The following NR3C2 variants were observed in gnomAD, a reference collection of about 807,000 sequenced individuals.
The protein encoded by NR3C2 is nuclear receptor subfamily 3 group C member 2.
NR3C2 carries 15 observed loss-of-function variants against 86.4 expected under a neutral mutation model. The observed-to-expected ratio is 0.17, with a 90% CI of 0.12 to 0.27. The LOEUF is 0.27. Among genes scored for constraint, NR3C2 ranks in the 10% least tolerant of loss-of-function variants. NR3C2 has a pLI of 1.00. For missense variants in NR3C2, 960 were observed against 1,195.6 expected (o/e 0.80, Z 2.91); for synonymous variants, 458 against 450.5 (o/e 1.02, Z -0.21).
At chr4:148,363,578 A>G (rs2126322376) in intron 2 of NR3C2, among the ~76,000 whole-genome samples, 1 of 135,838 alleles carries the variant, frequency 7.4e-6, no homozygotes, top group South Asian at 2.3e-4. Context: ...ATCTCAGCTC[A>G]CTGCAAGCTC....
chr4:148,376,937 T>C (rs1746709183), intron 2 of NR3C2, among the ~76,000 whole-genome samples: 2 of 152,316 alleles, frequency 1.3e-5, no homozygotes, highest in East Asian at 3.9e-4. Flanking sequence ...TTTGAAATTA[T>C]GCCCAAATAA....
intron 8 of NR3C2, among the ~76,000 whole-genome samples, chr4:148,083,765 A>C (rs1730687027): frequency 6.6e-6 from 1 of 152,140 alleles, no homozygotes. Context: ...AATGCAAGGA[A>C]GCTAAGAACC....
At chr4:148,258,065 T>C (rs1431163063) in intron 3 of NR3C2, among the ~76,000 whole-genome samples, 3 of 152,202 alleles carry the variant, frequency 2.0e-5, no homozygotes, top group Non-Finnish European at 2.9e-5. Flanking sequence ...TAGAAACCTT[T>C]TGCTTCAGAA....
At chr4:148,364,598 AATTC>A (rs1746014382) in intron 2 of NR3C2, among the ~76,000 whole-genome samples, 1 of 152,252 alleles carries the variant, frequency 6.6e-6, no homozygotes, top group Non-Finnish European at 1.5e-5. Flanking sequence ...GGCAAAAAAC[AATTC>A]CATTTAATAA....
At chr4:148,120,361 G>T (rs1732460688) in intron 6 of NR3C2, 73 bp from the exon 7 acceptor site, 1 of 1,582,018 alleles carries the variant, frequency 6.3e-7, no homozygotes, top group Non-Finnish European at 8.7e-7. Context: ...GCCTGAGGCA[G>T]CTTAATAAGA....
intron 2 of NR3C2, among the ~76,000 whole-genome samples, chr4:148,423,995 G>A (rs958016546): frequency 6.6e-6 from 1 of 152,202 alleles, no homozygotes; most frequent in Non-Finnish European, 1.5e-5. Flanking sequence ...TTATAGGCGT[G>A]AGCCACCACG....
chr4:148,444,138 G>A, upstream of NR3C2: 1 of 985,404 alleles, frequency 1.0e-6, no homozygotes, highest in Non-Finnish European at 1.2e-6. Flanking sequence ...CGGGAGCAAG[G>A]GGAGTCCCGG....
At chr4:148,138,746 A>C (rs1733470803) in intron 6 of NR3C2, among the ~76,000 whole-genome samples, 1 of 152,208 alleles carries the variant, frequency 6.6e-6, no homozygotes, top group Non-Finnish European at 1.5e-5. Context: ...CTATGATTTG[A>C]ATATGTCCCC....
rs528976726 is a variant in NR3C2, at chr4:148,215,104, T to C, written c.1898-20242A>G. On this transcript the variant is annotated intron_variant, in intron 3 of 8. Transcript: ENST00000358102. The stretch of plus-strand genomic sequence containing the variant: ...GGATTCTTATCTTTATGCCTAAGCA[T>C]GAAAAACAAATCCTGGAAGCTGGCA... Among the ~76,000 whole-genome samples the C allele has an allele frequency of 2.6e-5, 4 of 152,258 alleles. No individual in the cohort carries two copies. The South Asian group carries it at 8.3e-4, about 32-fold the overall frequency.
chr4:148,173,011 T>C lies in NR3C2; in HGVS notation c.2015-18110A>G, dbSNP rs150104861. On this transcript the variant is annotated intron_variant, in intron 4 of 8. Transcript: ENST00000358102. ...AGGAGTACACTTAACCTGGAGGTGATGAGTTGATTACAGAGATTTATTAGC... is the reference window on the plus strand; with the variant it reads ...AGGAGTACACTTAACCTGGAGGTGACGAGTTGATTACAGAGATTTATTAGC... 1.8e-4 allele frequency among the ~76,000 whole-genome samples: 27 copies of C among 152,300 alleles called. No homozygotes were observed. In the East Asian group the frequency reaches 4.4e-3, roughly 25 times the overall value.
chr4:148,277,739 T>C (rs1177494981), intron 2 of NR3C2, among the ~76,000 whole-genome samples: 1 of 152,194 alleles, frequency 6.6e-6, no homozygotes, highest in African/African-American at 2.4e-5. Flanking sequence ...TTTAAAATAA[T>C]CTGTACCTCA....
At chr4:148,376,827 C>T (rs1746704507) in intron 2 of NR3C2, among the ~76,000 whole-genome samples, 1 of 152,080 alleles carries the variant, frequency 6.6e-6, no homozygotes, top group Admixed American at 6.6e-5. Context: ...TACTTTAATA[C>T]AGGATATTCC....
At chr4:148,217,556 T>C (rs1410073493) in intron 3 of NR3C2, among the ~76,000 whole-genome samples, 1 of 152,224 alleles carries the variant, frequency 6.6e-6, no homozygotes, top group Non-Finnish European at 1.5e-5. Context: ...CACTCTGCTA[T>C]TGTAGTCTCA....
At chr4:148,359,802 T>A (rs1397825054) in intron 2 of NR3C2, among the ~76,000 whole-genome samples, 1 of 152,160 alleles carries the variant, frequency 6.6e-6, no homozygotes, top group African/African-American at 2.4e-5. Context: ...ACCTCCAAGC[T>A]GATAATTTAT....
At chr4:148,374,159 T>C (rs995108067) in intron 2 of NR3C2, among the ~76,000 whole-genome samples, 1 of 152,134 alleles carries the variant, frequency 6.6e-6, no homozygotes, top group Admixed American at 6.5e-5. Flanking sequence ...TAGCCTATCA[T>C]AAAAGAAAAA....
intron 6 of NR3C2, among the ~76,000 whole-genome samples, chr4:148,141,927 G>A (rs1733630614): frequency 6.6e-6 from 1 of 152,134 alleles, no homozygotes; most frequent in Admixed American, 6.5e-5. Context: ...GGTCCCTGAT[G>A]CCCAAAAGGT....
chr4:148,230,812 G>A (rs1171144950), intron 3 of NR3C2, among the ~76,000 whole-genome samples: 1 of 152,186 alleles, frequency 6.6e-6, no homozygotes, highest in Non-Finnish European at 1.5e-5. Flanking sequence ...ATGTATTTAT[G>A]TTTTAAAGTC....
intron 6 of NR3C2, among the ~76,000 whole-genome samples, chr4:148,122,455 C>T (rs1207052213): frequency 6.6e-6 from 1 of 152,206 alleles, no homozygotes; most frequent in African/African-American, 2.4e-5. Context: ...ACAGAAAAGG[C>T]TGGATTAAGA....
chr4:148,312,047 C>T (rs1177906748), intron 2 of NR3C2, among the ~76,000 whole-genome samples: 1 of 151,494 alleles, frequency 6.6e-6, no homozygotes, highest in Non-Finnish European at 1.5e-5. Context: ...TATTTGGTGG[C>T]AATATTTATC....
Sources: allele counts gnomAD v4.1 joint callset (sites outside exome capture counted in the v4.1 genomes callset), GRCh38; gene constraint gnomAD v4.1.1; transcripts MANE v1.5; gene names NCBI Gene and HGNC (gene_info 2026-07-23, HGNC 2026-07-21).